Variants in MIGA1 observed in about 807,000 individuals in gnomAD.
MIGA1 encodes mitoguardin 1, also known as family with sequence similarity 73, member A.
A neutral mutation model predicts 82.0 loss-of-function variants in MIGA1; 58 were observed. The ratio of observed to expected loss-of-function variants is 0.71; its 90% CI spans 0.57 to 0.88. The LOEUF (loss-of-function observed/expected upper bound fraction) is 0.88. Among genes scored for constraint, MIGA1 ranks in the 40% least tolerant of loss-of-function variants. The pLI is 0.00. For synonymous variants in MIGA1, 249 were observed against 253.6 expected, an observed-to-expected ratio of 0.98 and a Z score of 0.17; for missense variants, 751 against 749.1, an observed-to-expected ratio of 1.00 and a Z score of -0.03.
chr1:77,843,081 A>G (rs948220230), intron 7 of MIGA1, among the ~76,000 whole-genome samples: 1 of 152,152 alleles, frequency 6.6e-6, no homozygotes, highest in African/African-American at 2.4e-5. Flanking sequence ...TAAAAAATTA[A>G]GCTTAATTCC....
chr1:77,816,088 C>G (rs1431095953), intron 7 of MIGA1, among the ~76,000 whole-genome samples: 1 of 152,116 alleles, frequency 6.6e-6, no homozygotes, highest in East Asian at 1.9e-4. Context: ...GGATTACAGG[C>G]ATGTGCCACC....
intron 2 of MIGA1, among the ~76,000 whole-genome samples, chr1:77,786,466 C>G (rs1031853101): frequency 6.6e-6 from 1 of 152,218 alleles, no homozygotes; most frequent in African/African-American, 2.4e-5. Context: ...TGCAAATTTT[C>G]CAAACTTTTG....
intron 7 of MIGA1, among the ~76,000 whole-genome samples, chr1:77,816,478 TTATATC>T (rs763333159): frequency 5.3e-5 from 8 of 152,216 alleles, no homozygotes; most frequent in Non-Finnish European, 8.8e-5. Flanking sequence ...TTTGAGATAT[TTATATC>T]TATGCATTTT....
At chr1:77,839,218 AAATAAT>A (rs34607167) in intron 7 of MIGA1, among the ~76,000 whole-genome samples, 5 of 151,242 alleles carry the variant, frequency 3.3e-5, no homozygotes, top group Non-Finnish European at 7.4e-5. Flanking sequence ...TCCTCGACCA[AAATAAT>A]AATAATAATA....
In MIGA1 at chr1:77,843,398, C is replaced by CGGGA; in HGVS notation, c.988_989insGGAG (p.Ala330GlyfsTer34). The CGGGA allele has an allele frequency of 6.2e-7, 1 of 1,612,880 alleles. No individual in the cohort carries two copies. Among genetic ancestry groups the CGGGA allele is most frequent in the Non-Finnish European group, 8.5e-7 (1 of 1,178,892 alleles). ...TCGCATCCACGGATTCCTTTGCTTC[C>CGGGA]GCAGCAGAGGTAGGACATATGTGTT... is the stretch of plus-strand genomic sequence containing the variant. On this transcript the variant is annotated frameshift_variant, in exon 8 of 16. Transcript: ENST00000370791. LOFTEE classifies it high-confidence loss of function.
At chr1:77,825,282 A>G (rs1683987753) in intron 7 of MIGA1, among the ~76,000 whole-genome samples, 1 of 152,180 alleles carries the variant, frequency 6.6e-6, no homozygotes, top group Non-Finnish European at 1.5e-5. Flanking sequence ...CTGAGATTAC[A>G]GCATGAGCCA....
At chr1:77,790,733 C>A (rs1682381533) in intron 2 of MIGA1, among the ~76,000 whole-genome samples, 1 of 151,802 alleles carries the variant, frequency 6.6e-6, no homozygotes, top group African/African-American at 2.4e-5. Context: ...ATTACAGGTG[C>A]CCACCATCAT....
At chr1:77,846,142 C>G (rs1453204487) in intron 8 of MIGA1, among the ~76,000 whole-genome samples, 3 of 152,086 alleles carry the variant, frequency 2.0e-5, no homozygotes, top group Non-Finnish European at 4.4e-5. Context: ...TCTCCAACTC[C>G]CTTTACCCCC....
In MIGA1 at chr1:77,878,660, A is replaced by T. The variant is rs1454872365; in HGVS notation, c.*3596A>T. On this transcript the variant is annotated 3_prime_UTR_variant, in exon 16 of 16. Transcript: ENST00000370791. ...TCTAGAAGAAAGAAGATAAATTTTG[A>T]GGCAATTTACATTTGGTATTTCTTT... The T allele has an allele frequency of 3.0e-6, 1 of 333,360 alleles. No individual in the cohort carries two copies. Among genetic ancestry groups the T allele is most frequent in the Non-Finnish European group, 5.4e-6 (1 of 183,826 alleles). The allele number at this position is 333,360 out of a possible 1,614,324, so 20.7% of individuals were successfully genotyped here.
chr1:77,837,368 T>C (rs141036922), intron 7 of MIGA1, among the ~76,000 whole-genome samples: 4 of 152,290 alleles, frequency 2.6e-5, no homozygotes, highest in African/African-American at 4.8e-5. Flanking sequence ...AGCTACTGTA[T>C]TGGACACCAG....
intron 7 of MIGA1, among the ~76,000 whole-genome samples, chr1:77,827,412 C>T (rs1041262857): frequency 2.6e-5 from 4 of 151,564 alleles, no homozygotes; most frequent in African/African-American, 7.3e-5. Context: ...AAATCGAGGC[C>T]GCAGTGAGCT....
At chr1:77,843,987 G>A (rs1187773000) in intron 8 of MIGA1, among the ~76,000 whole-genome samples, 1 of 151,112 alleles carries the variant, frequency 6.6e-6, no homozygotes, top group African/African-American at 2.4e-5. Context: ...TATAGTTCTG[G>A]TTATTCAGGA....
At chr1:77,842,291 C>T (rs902704765) in intron 7 of MIGA1, among the ~76,000 whole-genome samples, 1 of 152,152 alleles carries the variant, frequency 6.6e-6, no homozygotes, top group African/African-American at 2.4e-5. Context: ...TTCCTGATAA[C>T]AGTACATGAG....
intron 15 of MIGA1, among the ~76,000 whole-genome samples, chr1:77,874,189 C>G (rs1463571355): frequency 6.6e-6 from 1 of 151,990 alleles, no homozygotes; most frequent in African/African-American, 2.4e-5. Context: ...ATTATGGTGA[C>G]ATAATAGCTG....
chr1:77,799,179 TTGTC>T (rs1052936254), intron 2 of MIGA1, among the ~76,000 whole-genome samples: 17 of 152,296 alleles, frequency 1.1e-4, no homozygotes, highest in East Asian at 5.8e-4. Flanking sequence ...TGTGATGTCT[TTGTC>T]TGGCTTTGAT....
At chr1:77,872,941 G>C in intron 14 of MIGA1, 63 bp from the exon 15 acceptor site, 1 of 1,600,478 alleles carries the variant, frequency 6.2e-7, no homozygotes, top group Non-Finnish European at 8.5e-7. Flanking sequence ...TTCAGTTTCT[G>C]TACTAGAGAA....
intron 8 of MIGA1, among the ~76,000 whole-genome samples, chr1:77,852,202 G>A (rs1175125394): frequency 6.6e-6 from 1 of 151,896 alleles, no homozygotes; most frequent in Non-Finnish European, 1.5e-5. Flanking sequence ...TACTTCTTAG[G>A]ATTTTTCTCT....
chr1:77,846,150 C>A (rs550364125), intron 8 of MIGA1, among the ~76,000 whole-genome samples: 1 of 152,196 alleles, frequency 6.6e-6, no homozygotes, highest in South Asian at 2.1e-4. Flanking sequence ...TCCCTTTACC[C>A]CCCAGCCCTT....
rs1276976600 is a variant in MIGA1, at chr1:77,877,990, C to G, written c.*2926C>G. 1 of 152,180 alleles carries G rather than the reference C, an allele frequency of 6.6e-6. No homozygotes were observed. The highest frequency in any genetic ancestry group is 2.4e-5 in the African/African-American group (1 of 41,414). The allele number at this position is 152,180 out of a possible 1,614,324, so 9.4% of individuals were successfully genotyped here. On this transcript the variant is annotated 3_prime_UTR_variant, in exon 16 of 16. Coordinates refer to ENST00000370791, the MANE Select transcript of MIGA1 (RefSeq NM_198549.4). ...AGAGTGACCAAATAGAATTTTAGGA[C>G]AATAAGTATAGGAAATATCTCTTTA...
Sources: gnomAD v4.1 joint callset for allele counts (sites outside exome capture counted in the v4.1 genomes callset) on GRCh38, gnomAD v4.1.1 for gene constraint, MANE v1.5 for transcripts, NCBI Gene and HGNC (gene_info 2026-07-23, HGNC 2026-07-21) for gene names.